Variants in WIPF1 observed in about 807,000 individuals in gnomAD.
The protein encoded by WIPF1 is WAS/WASL interacting protein family member 1, also known as WAS/WASL-interacting protein family member 1.
WIPF1 carries 13 observed loss-of-function variants against 35.4 expected under a neutral mutation model. That is an observed-to-expected ratio of 0.37 (90% CI 0.24 to 0.58). The LOEUF (loss-of-function observed/expected upper bound fraction) is 0.58, where lower values mean the gene tolerates loss of function less well. Ranked by LOEUF, WIPF1 falls within the 20% of genes least tolerant of loss-of-function variation. The pLI is 0.74. For missense variants in WIPF1, 591 were observed against 667.0 expected, an observed-to-expected ratio of 0.89 and a Z score of 1.25; for synonymous variants, 267 against 266.3, an observed-to-expected ratio of 1.00 and a Z score of -0.02.
Position 174,572,115 on chromosome 2 carries a change from C to A in WIPF1, c.690G>T (p.Leu230Phe). 6.2e-7 allele frequency: 1 copy of A among 1,604,648 alleles called. No homozygotes were observed. The highest frequency in any genetic ancestry group is 8.5e-7 in the Non-Finnish European group (1 of 1,175,592). The change falls in exon 5 of 8, where the codon TTG becomes TTT. Residue 230 changes from leucine to phenylalanine, a missense_variant. Physicochemically the swap from Leu to Phe is conservative, Grantham distance 22. Around this residue, in one of 3 missense-constraint regions of WIPF1, gnomAD observed 471 missense variants for 501.1 expected, o/e 0.94. Transcript: ENST00000679041. ...GGGACTGACGTATTGAGCCTCCTCC[C>A]AAAGCAGTGCCGCGGTTTCCAGGGA... ...PPFPGNRGTA[L>F]GGGSIRQSPL...
chr2:174,605,184 CA>C (rs1356714246), intron 1 of WIPF1, among the ~76,000 whole-genome samples: 23 of 152,210 alleles, frequency 1.5e-4, no homozygotes, highest in African/African-American at 5.1e-4. Context: ...CCTGTAATCC[CA>C]GCACTTTGGG....
chr2:174,653,170 G>A (rs1433860789), intron 1 of WIPF1, among the ~76,000 whole-genome samples: 1 of 152,164 alleles, frequency 6.6e-6, no homozygotes, highest in Non-Finnish European at 1.5e-5. Flanking sequence ...GCTAGTAAGT[G>A]GCAGAGATTA....
Position 174,597,417 on chromosome 2 carries a change from T to G in WIPF1, c.-39+184A>C, listed in dbSNP as rs533650402. 2.0e-5 allele frequency among the ~76,000 whole-genome samples: 3 copies of G among 152,354 alleles called. No individual in the cohort carries two copies. In the South Asian group the frequency reaches 6.2e-4, roughly 32 times the overall value. ...ACATTTTGGCTCAAAGCATAAGTTA[T>G]GAATCATTCACAATCACCATAGTGG... On this transcript the variant is annotated intron_variant, in intron 1 of 7. Coordinates refer to ENST00000679041, the MANE Select transcript of WIPF1 (RefSeq NM_001375834.1).
intron 2 of WIPF1, 62 bp from the exon 3 acceptor site, chr2:174,581,501 T>G: frequency 6.3e-7 from 1 of 1,584,316 alleles, no homozygotes; most frequent in Non-Finnish European, 8.6e-7. Flanking sequence ...ATTGTAACAC[T>G]CGGCTGGGAA....
intron 1 of WIPF1, among the ~76,000 whole-genome samples, chr2:174,659,713 G>A (rs1488323629): frequency 3.3e-5 from 5 of 152,200 alleles, no homozygotes; most frequent in Admixed American, 2.6e-4. Context: ...GAACTCAGTC[G>A]TTCATTGAGC....
In WIPF1 at chr2:174,677,326, T is replaced by C. The variant is rs191215361; in HGVS notation, c.-39+5448A>G. Reference sequence around the variant, plus strand: ...AGAGTGGAATAAATAAACCATCCTTTAACAAACATTGACAACCTACTATAC... The same window carrying C: ...AGAGTGGAATAAATAAACCATCCTTCAACAAACATTGACAACCTACTATAC... On this transcript the variant is annotated intron_variant, in intron 1 of 8. Coordinates refer to the WIPF1 transcript ENST00000272746. Among the ~76,000 whole-genome samples, 101 of 152,326 alleles carry C rather than the reference T, an allele frequency of 6.6e-4. No individual in the cohort carries two copies. In the Middle Eastern group the frequency reaches 0.01, roughly 15 times the overall value.
chr2:174,574,063 T>C (rs1458432036), intron 4 of WIPF1, among the ~76,000 whole-genome samples: 8 of 148,142 alleles, frequency 5.4e-5, no homozygotes, highest in Non-Finnish European at 9.1e-5. Flanking sequence ...TAACTTTTTG[T>C]TTTTTTTTAG....
chr2:174,634,647 A>G (rs1421616560), intron 1 of WIPF1: 2 of 152,158 alleles, frequency 1.3e-5, no homozygotes, highest in Non-Finnish European at 2.9e-5. Flanking sequence ...CGCCTCCCTA[A>G]CCGGTCAGAG....
rs185977058 is a variant in WIPF1, at chr2:174,661,279, C to G, written c.-39+21495G>C. Among the ~76,000 whole-genome samples the G allele has an allele frequency of 2.0e-5, 3 of 152,270 alleles. No individual in the cohort carries two copies. The East Asian group carries it at 5.8e-4, about 29-fold the overall frequency. ...GACGCAAGGGTGATTTTATTAAAAA[C>G]ATAAATCTCATTCTATCACCCCACT... On this transcript the variant is annotated intron_variant, in intron 1 of 8. Coordinates refer to the WIPF1 transcript ENST00000272746.
At chr2:174,577,962 T>C (rs1280641869) in intron 3 of WIPF1, among the ~76,000 whole-genome samples, 1 of 152,174 alleles carries the variant, frequency 6.6e-6, no homozygotes, top group Non-Finnish European at 1.5e-5. Context: ...TGAATTATTC[T>C]TGTAACATCT....
At chr2:174,660,513 C>T (rs745614166) in intron 1 of WIPF1, among the ~76,000 whole-genome samples, 1 of 152,238 alleles carries the variant, frequency 6.6e-6, no homozygotes, top group South Asian at 2.1e-4. Context: ...CAGCTGGGTT[C>T]ACCCTAGGGA....
chr2:174,592,799 T>C (rs547411671), intron 1 of WIPF1, among the ~76,000 whole-genome samples: 325 of 152,082 alleles, frequency 2.1e-3, no homozygotes, highest in African/African-American at 7.5e-3. Context: ...AGAGATGGGG[T>C]TTCACCATGT....
intron 3 of WIPF1, among the ~76,000 whole-genome samples, chr2:174,580,686 T>C (rs1685207433): frequency 6.6e-6 from 1 of 152,222 alleles, no homozygotes; most frequent in Non-Finnish European, 1.5e-5. Flanking sequence ...CTGTTGTAAA[T>C]GTTAATAAGT....
chr2:174,619,453 C>T (rs1292519052), intron 1 of WIPF1, among the ~76,000 whole-genome samples: 1 of 152,122 alleles, frequency 6.6e-6, no homozygotes, highest in East Asian at 1.9e-4. Flanking sequence ...AGTCATCTAG[C>T]TATCTCTTAC....
chr2:174,650,711 T>G (rs1456852186), intron 1 of WIPF1, among the ~76,000 whole-genome samples: 1 of 152,172 alleles, frequency 6.6e-6, no homozygotes, highest in Non-Finnish European at 1.5e-5. Flanking sequence ...CTTTGACAAA[T>G]AGAAAGCATC....
chr2:174,656,949 T>C (rs1013883383), intron 1 of WIPF1, among the ~76,000 whole-genome samples: 1 of 152,220 alleles, frequency 6.6e-6, no homozygotes, highest in Non-Finnish European at 1.5e-5. Flanking sequence ...AACCCAGGCA[T>C]CCAATCAGTT....
intron 1 of WIPF1, among the ~76,000 whole-genome samples, chr2:174,668,759 T>C (rs772503178): frequency 1.3e-5 from 2 of 152,176 alleles, no homozygotes; most frequent in African/African-American, 4.8e-5. Context: ...GAAGCATGCA[T>C]GCAACAAACA....
intron 7 of WIPF1, among the ~76,000 whole-genome samples, chr2:174,563,445 A>G (rs930336472): frequency 6.6e-6 from 1 of 152,080 alleles, no homozygotes; most frequent in Non-Finnish European, 1.5e-5. Context: ...CGCCTGTCCC[A>G]TAGTCCCAGC....
chr2:174,634,883 G>A (rs1026046430), intron 1 of WIPF1, among the ~76,000 whole-genome samples: 1 of 152,168 alleles, frequency 6.6e-6, no homozygotes, highest in Non-Finnish European at 1.5e-5. Context: ...TCTTGAGACT[G>A]GAGTTCAGCA....
Sources: allele counts gnomAD v4.1 joint callset (sites outside exome capture counted in the v4.1 genomes callset), GRCh38; gene constraint gnomAD v4.1.1; regional missense constraint gnomAD v4.1.1; transcripts MANE v1.5; gene names NCBI Gene and HGNC (gene_info 2026-07-23, HGNC 2026-07-21).